Variants in TULP4 observed in about 807,000 individuals in gnomAD.
The protein encoded by TULP4 is tubby-related protein 4.
In TULP4, 16 loss-of-function variants were observed where a neutral mutation model predicts 129.0. The ratio of observed to expected loss-of-function variants is 0.12; its 90% CI spans 0.08 to 0.19. The LOEUF (loss-of-function observed/expected upper bound fraction) is 0.19, where lower values mean the gene tolerates loss of function less well. TULP4 is among the 10% of genes least tolerant of loss of function. The pLI, the probability that TULP4 is intolerant of heterozygous loss-of-function variation, is 1.00. For synonymous variants in TULP4, 998 were observed against 854.0 expected, an observed-to-expected ratio of 1.17 and a Z score of -2.94; for missense variants, 1,842 against 2,059.1, an observed-to-expected ratio of 0.89 and a Z score of 2.04.
chr6:158,479,336 C>T (rs747651681), intron 6 of TULP4, among the ~76,000 whole-genome samples: 1 of 152,146 alleles, frequency 6.6e-6, no homozygotes, highest in Non-Finnish European at 1.5e-5. Flanking sequence ...TTTCATGACC[C>T]CAAATTAAAT....
chr6:158,435,545 G>A (rs1447221114), intron 3 of TULP4, among the ~76,000 whole-genome samples: 4 of 151,836 alleles, frequency 2.6e-5, no homozygotes, highest in Admixed American at 1.3e-4. Context: ...CATCCAACTC[G>A]GTCCCCCTTC....
intron 6 of TULP4, among the ~76,000 whole-genome samples, chr6:158,467,980 G>C (rs1779590595): frequency 1.3e-5 from 2 of 152,238 alleles, no homozygotes; most frequent in Non-Finnish European, 2.9e-5. Context: ...CAGCTGCAGA[G>C]AGTCTGTCCC....
intron 6 of TULP4, among the ~76,000 whole-genome samples, chr6:158,478,596 C>T (rs34001076): frequency 6.6e-6 from 1 of 152,192 alleles, no homozygotes; most frequent in Non-Finnish European, 1.5e-5. Context: ...TTCCAGACTC[C>T]TTGGCCAACA....
At chr6:158,494,654 C>T (rs1780287860) in intron 10 of TULP4, 99 bp from the exon 11 acceptor site, 8 of 1,123,414 alleles carry the variant, frequency 7.1e-6, no homozygotes, top group Middle Eastern at 2.1e-4. Flanking sequence ...AGTGCACACT[C>T]GTGGCTTAAG....
chr6:158,408,527 C>T (rs1296880101), intron 1 of TULP4, among the ~76,000 whole-genome samples: 2 of 152,128 alleles, frequency 1.3e-5, no homozygotes, highest in Non-Finnish European at 2.9e-5. Flanking sequence ...GGTCTGAGGT[C>T]CTTTCTTAAG....
intron 1 of TULP4, among the ~76,000 whole-genome samples, chr6:158,370,303 A>G (rs1777042836): frequency 1.3e-5 from 2 of 151,814 alleles, no homozygotes; most frequent in South Asian, 4.2e-4. Flanking sequence ...CTAAAAATAC[A>G]AAAATTAGAC....
At chr6:158,248,731 G>C (rs1387897528) in intron 1 of TULP4, among the ~76,000 whole-genome samples, 1 of 152,016 alleles carries the variant, frequency 6.6e-6, no homozygotes, top group African/African-American at 2.4e-5. Flanking sequence ...AACAGAGCGA[G>C]ACCCAGTCTC....
chr6:158,506,805 G>C lies in TULP4; in HGVS notation c.*111G>C. 2.7e-6 allele frequency: 2 copies of C among 747,876 alleles called. No homozygotes were observed. The highest frequency in any genetic ancestry group is 4.5e-6 in the Non-Finnish European group (2 of 442,036). The allele number at this position is 747,876 out of a possible 1,614,324, so 46.3% of individuals were successfully genotyped here. A position where few individuals can be genotyped will look rare whatever the true frequency, so the allele number is the denominator to read the frequency against. On this transcript the variant is annotated 3_prime_UTR_variant, in exon 14 of 14. Coordinates refer to ENST00000367097, the MANE Select transcript of TULP4 (RefSeq NM_020245.5). ...TGCCTGGGAGGACCAGAAGCCAACA[G>C]CAAAACTGGAAAAGCCCGGCAGGCC...
At chr6:158,326,523 C>G (rs1224506261) in intron 1 of TULP4, among the ~76,000 whole-genome samples, 3 of 152,122 alleles carry the variant, frequency 2.0e-5, no homozygotes, top group Non-Finnish European at 4.4e-5. Context: ...TTTGGTTAAA[C>G]TCCTTTTTGT....
At chr6:158,448,862 GTGCTGT>G in intron 3 of TULP4, 128 bp from the exon 4 acceptor site, 1 of 845,608 alleles carries the variant, frequency 1.2e-6, no homozygotes, top group Non-Finnish European at 1.8e-6. Flanking sequence ...TTGTGTCACT[GTGCTGT>G]TGTTACTTAA....
chr6:158,320,425 A>C (rs1779597407), intron 1 of TULP4, among the ~76,000 whole-genome samples: 1 of 146,774 alleles, frequency 6.8e-6, no homozygotes, highest in South Asian at 2.2e-4. Flanking sequence ...ATTGTCATTT[A>C]ACAGGAATTT....
At chr6:158,307,280 T>G (rs1462902482) in intron 1 of TULP4, among the ~76,000 whole-genome samples, 1 of 152,164 alleles carries the variant, frequency 6.6e-6, no homozygotes, top group Admixed American at 6.5e-5. Flanking sequence ...AAATTCAGCC[T>G]CACACACATA....
At chr6:158,325,145 T>C (rs921476187) in intron 1 of TULP4, among the ~76,000 whole-genome samples, 1 of 152,212 alleles carries the variant, frequency 6.6e-6, no homozygotes, top group Non-Finnish European at 1.5e-5. Flanking sequence ...AATGTGAGTG[T>C]AAAAATTACC....
At position 158,368,657 on chromosome 6, in the gene TULP4, C is replaced by T. The variant is rs540857687; in HGVS notation, c.253-44408C>T. On this transcript the variant is annotated intron_variant, in intron 1 of 13. Coordinates refer to ENST00000367097, the MANE Select transcript of TULP4 (RefSeq NM_020245.5). ...TTCAGTTTTCTGCACACAGAGCCTTCGTCTTAAAAGAGGAATGGATCCTCA... is the reference window on the plus strand; with the variant it reads ...TTCAGTTTTCTGCACACAGAGCCTTTGTCTTAAAAGAGGAATGGATCCTCA... Among the ~76,000 whole-genome samples the T allele has an allele frequency of 2.6e-5, 4 of 152,218 alleles. No homozygotes were observed. The East Asian group carries it at 7.7e-4, about 29-fold the overall frequency.
intron 9 of TULP4, among the ~76,000 whole-genome samples, chr6:158,491,831 T>A (rs1314074511): frequency 6.7e-6 from 1 of 149,856 alleles, no homozygotes; most frequent in Non-Finnish European, 1.5e-5. Context: ...GAGCAATCAC[T>A]ACAGGGGCAT....
At chr6:158,352,492 G>A in intron 1 of TULP4, among the ~76,000 whole-genome samples, 1 of 152,166 alleles carries the variant, frequency 6.6e-6, no homozygotes, top group East Asian at 1.9e-4. Flanking sequence ...CACCTCCCGG[G>A]TTCAAGTGAT....
At chr6:158,425,153 CAAAAAAAAAAAAAAAAA>C (rs562712423) in intron 2 of TULP4, among the ~76,000 whole-genome samples, 1 of 39,796 alleles carries the variant, frequency 2.5e-5, no homozygotes, top group Non-Finnish European at 4.1e-5. Flanking sequence ...GACACCATCT[CAAAAAAAAAAAAAAAAA>C]AAAAAAAAAA....
chr6:158,264,210 C>T (rs368001649), intron 1 of TULP4, among the ~76,000 whole-genome samples: 1 of 152,194 alleles, frequency 6.6e-6, no homozygotes, highest in Non-Finnish European at 1.5e-5. Flanking sequence ...AACAGAATCA[C>T]GTTCAGGAAA....
intron 1 of TULP4, among the ~76,000 whole-genome samples, chr6:158,236,978 T>C: frequency 6.6e-6 from 1 of 151,794 alleles, no homozygotes; most frequent in Admixed American, 6.6e-5. Context: ...ACCCAGCTAA[T>C]TTTTGTATGT....
Sources: gnomAD v4.1 joint callset for allele counts (sites outside exome capture counted in the v4.1 genomes callset) on GRCh38, gnomAD v4.1.1 for gene constraint, MANE v1.5 for transcripts, NCBI Gene and HGNC (gene_info 2026-07-23, HGNC 2026-07-21) for gene names.